The following CALN1 variants were observed in gnomAD, a reference collection of about 807,000 sequenced individuals.
CALN1 encodes calneuron 1.
A neutral mutation model predicts 30.6 loss-of-function variants in CALN1; 17 were observed. The ratio of observed to expected loss-of-function variants is 0.56; its 90% CI spans 0.38 to 0.83. The LOEUF (loss-of-function observed/expected upper bound fraction) is 0.83. Ranked by LOEUF, CALN1 falls within the 40% of genes least tolerant of loss-of-function variation. The pLI, the probability that CALN1 is intolerant of heterozygous loss-of-function variation, is 0.00. For synonymous variants in CALN1, 156 were observed against 131.4 expected, an observed-to-expected ratio of 1.19 and a Z score of -1.28; for missense variants, 291 against 354.9, an observed-to-expected ratio of 0.82 and a Z score of 1.45.
chr7:71,903,378 A>C (rs538723376), intron 5 of CALN1, among the ~76,000 whole-genome samples: 21 of 152,268 alleles, frequency 1.4e-4, no homozygotes, highest in African/African-American at 5.1e-4. Context: ...GAACAGAATA[A>C]AAAGCCCAGA....
intron 5 of CALN1, among the ~76,000 whole-genome samples, chr7:71,825,038 C>T (rs1306007143): frequency 6.6e-6 from 1 of 152,178 alleles, no homozygotes; most frequent in Non-Finnish European, 1.5e-5. Flanking sequence ...AACTTCCTTC[C>T]AGGGCCTTCT....
At chr7:72,409,226 C>G (rs1347484252) in intron 1 of CALN1, among the ~76,000 whole-genome samples, 1 of 151,220 alleles carries the variant, frequency 6.6e-6, no homozygotes, top group East Asian at 2.0e-4. Flanking sequence ...CAAGTCCTGA[C>G]CTCATGATCT....
At chr7:72,305,414 A>G (rs1186543075) in intron 2 of CALN1, among the ~76,000 whole-genome samples, 2 of 152,188 alleles carry the variant, frequency 1.3e-5, no homozygotes, top group Non-Finnish European at 2.9e-5. Context: ...AATAAGTTGA[A>G]TATGGAAGGA....
In CALN1 at chr7:72,388,786, A is replaced by G. The variant is rs1219517420; in HGVS notation, c.119+14465T>C. ...CAGACACCTGTTGGTCTCCAGGGGGATGTGTCTTGTCACCCGGTCGCAGGT... is the reference window on the plus strand; with the variant it reads ...CAGACACCTGTTGGTCTCCAGGGGGGTGTGTCTTGTCACCCGGTCGCAGGT... On this transcript the variant is annotated intron_variant, in intron 2 of 6. Transcript: ENST00000395275. 3.9e-5 allele frequency among the ~76,000 whole-genome samples: 6 copies of G among 152,014 alleles called. No individual in the cohort carries two copies. The East Asian group carries it at 1.2e-3, about 29-fold the overall frequency.
chr7:71,982,485 T>C (rs1332811318), intron 5 of CALN1, among the ~76,000 whole-genome samples: 2 of 152,050 alleles, frequency 1.3e-5, no homozygotes, highest in Non-Finnish European at 2.9e-5. Flanking sequence ...TCCCAGCTAC[T>C]CTGGAGGCTG....
At chr7:72,394,607 T>G (rs1805793916) in intron 2 of CALN1, among the ~76,000 whole-genome samples, 1 of 151,858 alleles carries the variant, frequency 6.6e-6, no homozygotes, top group South Asian at 2.1e-4. Context: ...CATATTTTGA[T>G]GTATATATGC....
chr7:72,263,283 A>G (rs931945201), intron 3 of CALN1, among the ~76,000 whole-genome samples: 1 of 152,230 alleles, frequency 6.6e-6, no homozygotes, highest in African/African-American at 2.4e-5. Flanking sequence ...TATTATCCCT[A>G]TAAAGTATAT....
intron 5 of CALN1, among the ~76,000 whole-genome samples, chr7:71,985,172 AT>A (rs1466934463): frequency 1.3e-5 from 2 of 152,190 alleles, no homozygotes; most frequent in Admixed American, 1.3e-4. Flanking sequence ...CAACTGGCCA[AT>A]AAAGACGGGG....
At chr7:72,082,082 G>A (rs572611609) in intron 4 of CALN1, among the ~76,000 whole-genome samples, 160 of 152,056 alleles carry the variant, frequency 1.1e-3, no homozygotes, top group Non-Finnish European at 1.6e-3. Context: ...TGCCTCCTGG[G>A]TTCAAGCGAT....
intron 1 of CALN1, among the ~76,000 whole-genome samples, chr7:72,435,859 A>G (rs980324965): frequency 3.3e-5 from 5 of 152,166 alleles, no homozygotes; most frequent in Non-Finnish European, 7.3e-5. Context: ...CCTGCCAGAG[A>G]CACAGAATTC....
chr7:72,139,909 G>C (rs1440510014), intron 3 of CALN1, among the ~76,000 whole-genome samples: 1 of 152,128 alleles, frequency 6.6e-6, no homozygotes, highest in African/African-American at 2.4e-5. Context: ...CTCCTACTAA[G>C]CCCTCTTTAG....
chr7:72,089,541 C>T (rs751221563), intron 4 of CALN1, among the ~76,000 whole-genome samples: 2 of 151,994 alleles, frequency 1.3e-5, no homozygotes, highest in Non-Finnish European at 2.9e-5. Context: ...AAGTTTCACC[C>T]CTAACAAAAT....
chr7:72,283,937 A>G lies in CALN1; in HGVS notation c.120-5127T>C, dbSNP rs73361119. 7.1e-3 allele frequency among the ~76,000 whole-genome samples: 1,078 copies of G among 152,250 alleles called. 10 individuals carry two copies. Among genetic ancestry groups the G allele is most frequent in the African/African-American group, 0.023 (971 of 41,546 alleles). ...AAAGAAAAGATCTTGTGAGGTTAAA[A>G]CCAAAAGGGATGGTTCCTGTTAATG... On this transcript the variant is annotated intron_variant, in intron 2 of 6. Coordinates refer to ENST00000395275, the MANE Select transcript of CALN1 (RefSeq NM_031468.4).
In CALN1 at chr7:72,115,484, C is replaced by CTTTT. The variant is rs71069026; in HGVS notation, c.245-9194_245-9191dup. 2.8e-3 allele frequency among the ~76,000 whole-genome samples: 227 copies of CTTTT among 80,588 alleles called. 3 individuals carry two copies. The highest frequency in any genetic ancestry group is 6.3e-3 in the African/African-American group (114 of 18,102). 52.9% of individuals were successfully genotyped at this position (80,588 alleles called of 152,430 possible). On this transcript the variant is annotated intron_variant, in intron 3 of 6. Coordinates refer to ENST00000395275, the MANE Select transcript of CALN1 (RefSeq NM_031468.4). The stretch of plus-strand genomic sequence containing the variant: ...GATAAATACATTACACATATACATT[C>CTTTT]TTTTTTTTTTTTTTTTTTTTTTTTT...
intron 3 of CALN1, among the ~76,000 whole-genome samples, chr7:72,193,297 C>A (rs569250260): frequency 1.3e-5 from 2 of 152,090 alleles, no homozygotes; most frequent in Admixed American, 1.3e-4. Flanking sequence ...CCTGGGAGAT[C>A]GAGCCTGCAG....
rs182498178 is a variant in CALN1, at chr7:72,318,007, G to C, written c.120-39197C>G. On this transcript the variant is annotated intron_variant, in intron 2 of 6. Coordinates refer to ENST00000395275, the MANE Select transcript of CALN1 (RefSeq NM_031468.4). ...TGATTTGCAAAACAGTATGGGACCT[G>C]AGTGTTATTTCTGATTGAGCGTCTA... Among the ~76,000 whole-genome samples, 220 of 152,296 alleles carry C rather than the reference G, an allele frequency of 1.4e-3. 3 individuals are homozygous for C. In the Middle Eastern group the frequency reaches 0.021, roughly 14 times the overall value.
chr7:71,791,678 C>T (rs1793396522), intron 6 of CALN1, among the ~76,000 whole-genome samples: 1 of 152,150 alleles, frequency 6.6e-6, no homozygotes, highest in African/African-American at 2.4e-5. Context: ...CAGAACAAAC[C>T]TGCACATGTA....
chr7:71,860,120 A>C lies in CALN1; in HGVS notation c.502-49628T>G, dbSNP rs375204279. Among the ~76,000 whole-genome samples the C allele has an allele frequency of 4.0e-5, 6 of 151,898 alleles. No homozygotes were observed. The East Asian group carries it at 9.7e-4, about 25-fold the overall frequency. On this transcript the variant is annotated intron_variant, in intron 5 of 6. Transcript: ENST00000395275. ...TTTTTGCTACCCTGTATAAACAAGC[A>C]TTGTACCTAGGGTGGGTGCATTCCT...
At chr7:72,401,813 C>T (rs1003938063) in intron 2 of CALN1, among the ~76,000 whole-genome samples, 1 of 152,226 alleles carries the variant, frequency 6.6e-6, no homozygotes, top group Non-Finnish European at 1.5e-5. Flanking sequence ...ATATCCCTTT[C>T]CTCCGTCACA....
Sources: allele counts gnomAD v4.1 joint callset (sites outside exome capture counted in the v4.1 genomes callset), GRCh38; gene constraint gnomAD v4.1.1; transcripts MANE v1.5; gene names NCBI Gene and HGNC (gene_info 2026-07-23, HGNC 2026-07-21).